Variants in CRAMP1 observed in about 807,000 individuals in gnomAD.
CRAMP1 encodes the protein protein cramped-like.
In CRAMP1, 50 loss-of-function variants were observed where a neutral mutation model predicts 115.4. That is an observed-to-expected ratio of 0.43 (90% CI 0.35 to 0.55). The LOEUF is 0.55. Ranked by LOEUF, CRAMP1 falls within the 20% of genes least tolerant of loss-of-function variation. The probability of loss-of-function intolerance (pLI) is 0.01; values close to 1 mark genes in which losing one functional copy is unlikely to be tolerated. For synonymous variants in CRAMP1, 866 were observed against 745.4 expected (o/e 1.16, Z -2.64); for missense variants, 1,679 against 1,721.7 (o/e 0.98, Z 0.44).
At chr16:1,653,769 C>T (rs572278789) in intron 8 of CRAMP1, among the ~76,000 whole-genome samples, 2 of 147,154 alleles carry the variant, frequency 1.4e-5, no homozygotes, top group South Asian at 2.1e-4. Context: ...TGCAGTGAGC[C>T]GAGATCGCGC....
chr16:1,651,241 T>G (rs1016126061), intron 6 of CRAMP1, among the ~76,000 whole-genome samples: 4 of 144,012 alleles, frequency 2.8e-5, no homozygotes, highest in African/African-American at 7.9e-5. Context: ...GTTGGACAGG[T>G]TACACAGAGG....
intron 8 of CRAMP1, among the ~76,000 whole-genome samples, chr16:1,654,068 A>G (rs1411966542): frequency 1.4e-5 from 2 of 142,702 alleles, no homozygotes; most frequent in African/African-American, 2.6e-5. Flanking sequence ...ACTTGAACGC[A>G]GGAGGCAGAG....
chr16:1,658,808 C>T (rs982450409), intron 10 of CRAMP1, among the ~76,000 whole-genome samples: 12 of 152,142 alleles, frequency 7.9e-5, no homozygotes, highest in South Asian at 2.1e-4. Context: ...AGTGAGCAGA[C>T]GGGCAGGGCT....
intron 10 of CRAMP1, among the ~76,000 whole-genome samples, chr16:1,658,539 TG>T (rs1452805285): frequency 6.6e-6 from 1 of 151,996 alleles, no homozygotes; most frequent in African/African-American, 2.4e-5. Context: ...GAGGCTGACT[TG>T]GGGTGGGCCT....
intron 6 of CRAMP1, among the ~76,000 whole-genome samples, chr16:1,647,691 G>C (rs756546041): frequency 1.4e-5 from 2 of 144,748 alleles, no homozygotes; most frequent in Non-Finnish European, 3.0e-5. Context: ...AGAGGTTTTA[G>C]TGAGCTGAGA....
chr16:1,658,903 G>T (rs2036799434), intron 10 of CRAMP1, among the ~76,000 whole-genome samples: 1 of 152,148 alleles, frequency 6.6e-6, no homozygotes, highest in Non-Finnish European at 1.5e-5. Flanking sequence ...GGAGAGTGAG[G>T]AGAAGGAAGA....
Position 1,648,273 on chromosome 16 carries a change from G to A in CRAMP1, c.828-4223G>A, listed in dbSNP as rs562915956. ...GGAATAAAAAATGGTGAGTGGAAAC[G>A]TCCATTTGTTTCCAGAGCACTTCAT... is the stretch of plus-strand genomic sequence containing the variant. On this transcript the variant is annotated intron_variant, in intron 6 of 20. Transcript: ENST00000397412. Among the ~76,000 whole-genome samples the A allele has an allele frequency of 2.1e-4, 32 of 152,292 alleles. 1 individual carries two copies. The South Asian group carries it at 2.7e-3, about 13-fold the overall frequency.
intron 10 of CRAMP1, among the ~76,000 whole-genome samples, chr16:1,659,664 G>A (rs2036807632): frequency 6.6e-6 from 1 of 152,222 alleles, no homozygotes; most frequent in African/African-American, 2.4e-5. Context: ...TGGGATTACA[G>A]GCGTGAGCCA....
chr16:1,672,398 G>A lies in CRAMP1; in HGVS notation c.3646-1483G>A, dbSNP rs767364679. On this transcript the variant is annotated intron_variant, in intron 20 of 20. Coordinates refer to ENST00000397412, the MANE Select transcript of CRAMP1 (RefSeq NM_020825.4). This position sits in a 1 kb window ranked among gnomAD's most constrained non-coding sequence, Gnocchi z 4.9. ...TGAGTATGTTTCTCAGCAGGTCCTC[G>A]TCATCTGGAAGGATGGGCTGAGGCA... Among the ~76,000 whole-genome samples, 8 of 151,830 alleles carry A rather than the reference G, an allele frequency of 5.3e-5. No homozygotes were observed. The highest frequency in any genetic ancestry group is 8.8e-5 in the Non-Finnish European group (6 of 67,984).
intron 14 of CRAMP1, 140 bp from the exon 15 acceptor site, chr16:1,665,933 G>C: frequency 1.6e-6 from 1 of 630,604 alleles, no homozygotes; most frequent in Non-Finnish European, 2.9e-6. Flanking sequence ...GTTAGCATTT[G>C]GAATGTTCAG....
chr16:1,660,135 C>A, intron 11 of CRAMP1, 72 bp downstream of exon 11: 1 of 1,323,802 alleles, frequency 7.6e-7, no homozygotes, highest in South Asian at 1.5e-5. Context: ...GGGGCCGTGC[C>A]GAAGCTGAGA....
intron 5 of CRAMP1, among the ~76,000 whole-genome samples, chr16:1,640,865 C>T (rs1430915993): frequency 6.6e-6 from 1 of 152,056 alleles, no homozygotes; most frequent in Non-Finnish European, 1.5e-5. Flanking sequence ...GAGGACAGAT[C>T]AACTGGTCAG....
At chr16:1,613,841 A>C (rs1216187337) in intron 1 of CRAMP1, among the ~76,000 whole-genome samples, 1 of 152,176 alleles carries the variant, frequency 6.6e-6, no homozygotes, top group African/African-American at 2.4e-5. Flanking sequence ...TTGCAAAAGC[A>C]TTTTTAACTA....
chr16:1,618,842 G>A (rs1262979941), intron 2 of CRAMP1, among the ~76,000 whole-genome samples: 1 of 152,120 alleles, frequency 6.6e-6, no homozygotes, highest in African/African-American at 2.4e-5. Flanking sequence ...TCCAGCCTGG[G>A]TGACACAACA....
intron 2 of CRAMP1, among the ~76,000 whole-genome samples, chr16:1,624,268 C>G (rs555693658): frequency 6.6e-6 from 1 of 152,040 alleles, no homozygotes; most frequent in Non-Finnish European, 1.5e-5. Flanking sequence ...GACCCCCCAC[C>G]GGGTGAGGCA....
intron 11 of CRAMP1, among the ~76,000 whole-genome samples, chr16:1,661,751 A>G (rs1388412062): frequency 2.0e-5 from 3 of 152,060 alleles, no homozygotes; most frequent in Non-Finnish European, 2.9e-5. Flanking sequence ...ATGTGCCACC[A>G]TGCTCGGGTA....
intron 6 of CRAMP1, among the ~76,000 whole-genome samples, chr16:1,651,807 A>G (rs1293638529): frequency 6.6e-6 from 1 of 150,976 alleles, no homozygotes. Context: ...GAGGTCACAC[A>G]GAGGTCACAG....
At chr16:1,621,378 G>T (rs2036464804) in intron 2 of CRAMP1, among the ~76,000 whole-genome samples, 1 of 152,244 alleles carries the variant, frequency 6.6e-6, no homozygotes, top group African/African-American at 2.4e-5. Context: ...AGGTGCTAGG[G>T]GTTTGGGAGA....
Position 1,626,056 on chromosome 16 carries a change from C to T in CRAMP1, c.430C>T (p.Arg144Trp), listed in dbSNP as rs1385486571. Residue 144 changes from arginine (R) to tryptophan (W), a missense_variant, in exon 3 of 21, where the codon CGG (arginine) becomes TGG (tryptophan). This residue lies in a region of CRAMP1 where 264 missense variants were observed against 229.7 expected (regional missense o/e 1.15). Coordinates refer to ENST00000397412, the MANE Select transcript of CRAMP1 (RefSeq NM_020825.4). ...TGCAGGGGGCTCGCGCTCCTCCTCC[C>T]GGAACTTAGGGTCTTCTGGTGGCGA... ...APAGGSRSSS[R>W]NLGSSGGEKE... 8 of 1,551,450 alleles carry T rather than the reference C, an allele frequency of 5.2e-6. No individual in the cohort carries two copies. Among genetic ancestry groups the T allele is most frequent in the African/African-American group, 1.4e-5 (1 of 73,052 alleles).
Sources: gnomAD v4.1 joint callset for allele counts (sites outside exome capture counted in the v4.1 genomes callset) on GRCh38, gnomAD v4.1.1 for gene constraint, gnomAD v4.1.1 regional missense constraint, Gnocchi (gnomAD v3.1) non-coding constraint, MANE v1.5 for transcripts, NCBI Gene and HGNC (gene_info 2026-07-23, HGNC 2026-07-21) for gene names.